CDKL3: variants seen among roughly 807,000 people sequenced by gnomAD.
CDKL3 encodes cyclin-dependent kinase-like 3.
Under a neutral mutation model 69.3 loss-of-function variants are expected in CDKL3, and 65 were observed. The ratio of observed to expected loss-of-function variants is 0.94; its 90% CI spans 0.77 to 1.15. CDKL3 has a LOEUF of 1.15. Ranked by LOEUF, CDKL3 falls within the 50% of genes most tolerant of loss-of-function variation. CDKL3 has a pLI of 0.00. For synonymous variants in CDKL3, 202 were observed against 221.6 expected (o/e 0.91, Z 0.79); for missense variants, 652 against 689.2 (o/e 0.95, Z 0.61).
intron 2 of CDKL3, among the ~76,000 whole-genome samples, chr5:134,365,813 CTCTTT>C (rs937943505): frequency 9.9e-5 from 15 of 152,134 alleles, no homozygotes; most frequent in African/African-American, 3.6e-4. Flanking sequence ...CTTCTTTAGT[CTCTTT>C]TGAGTTTATG....
intron 10 of CDKL3, 103 bp from the exon 11 acceptor site, chr5:134,304,670 C>A (rs1561505797): frequency 1.0e-5 from 8 of 779,484 alleles, no homozygotes; most frequent in African/African-American, 3.5e-5. Flanking sequence ...ATAGACATAA[C>A]AATTAATTTA....
chr5:134,315,207 AGTT>A (rs1447713245), intron 6 of CDKL3, among the ~76,000 whole-genome samples: 1 of 152,166 alleles, frequency 6.6e-6, no homozygotes, highest in Non-Finnish European at 1.5e-5. Flanking sequence ...GGATGATACT[AGTT>A]GTTAAAAAAA....
chr5:134,371,297 T>G, upstream of CDKL3: 4 of 514,146 alleles, frequency 7.8e-6, no homozygotes, highest in African/African-American at 2.0e-5. Context: ...AGAACACAAA[T>G]TTGTCTATTA....
At chr5:134,285,290 C>T (rs188777582), downstream of CDKL3, among the ~76,000 whole-genome samples, 4 of 152,320 alleles carry the variant, frequency 2.6e-5, no homozygotes, top group Admixed American at 1.3e-4. Flanking sequence ...AGGGCCCCAC[C>T]CCTGCAGCAA....
intron 3 of CDKL3, among the ~76,000 whole-genome samples, chr5:134,354,414 T>C (rs1177375120): frequency 3.3e-5 from 5 of 152,222 alleles, no homozygotes. Context: ...TTATACAACT[T>C]ACTACCATAA....
chr5:134,370,888 T>C (rs1385765751), upstream of CDKL3: 1 of 152,614 alleles, frequency 6.6e-6, no homozygotes, highest in African/African-American at 2.4e-5. Flanking sequence ...AAACAAGCTG[T>C]TGATTCTGCC....
At chr5:134,350,845 GA>G (rs1561624042) in intron 3 of CDKL3, among the ~76,000 whole-genome samples, 3 of 143,862 alleles carry the variant, frequency 2.1e-5, no homozygotes, top group East Asian at 2.0e-4. Context: ...AAAAAAAAAA[GA>G]AAAAAAGAAA....
At chr5:134,308,551 G>A (rs1768527537) in intron 8 of CDKL3, 23 bp downstream of exon 8, 2 of 1,563,400 alleles carry the variant, frequency 1.3e-6, no homozygotes, top group Non-Finnish European at 1.7e-6. Flanking sequence ...TATACTGGCT[G>A]AAACAAAAAC....
intron 6 of CDKL3, among the ~76,000 whole-genome samples, chr5:134,313,746 GT>G (rs113107142): frequency 0.23 from 34,796 of 148,998 alleles, 6,926 homozygotes; most frequent in African/African-American, 0.54. Context: ...GTTATGTGGG[GT>G]TTTTTTTTTA....
chr5:134,307,986 G>A lies in CDKL3; in HGVS notation c.1364+152C>T, dbSNP rs889375993. ...TTAATTTCTTCTACAGCATCCATAA[G>A]AAACACTCAGTAAATGGCCCATTAT... On this transcript the variant is annotated intron_variant, in intron 9 of 12. Transcript: ENST00000265334. 2.8e-5 allele frequency: 34 copies of A among 1,221,936 alleles called. 1 individual carries two copies. Among genetic ancestry groups the A allele is most frequent in the East Asian group, 1.6e-4 (6 of 36,950 alleles). The allele number at this position is 1,221,936 out of a possible 1,614,324, so 75.7% of individuals were successfully genotyped here.
rs561526853 is a variant in CDKL3 at position 134,329,556 on chromosome 5, G to A, written c.540-7653C>T. ...TGGAGTGCAGCTCACTGCAAGCTCC[G>A]CTTCCTGGGTTGACGCCATTCTCCT... On this transcript the variant is annotated intron_variant, in intron 4 of 12. Coordinates refer to ENST00000265334, the MANE Select transcript of CDKL3 (RefSeq NM_001113575.2). 7.6e-4 allele frequency among the ~76,000 whole-genome samples: 115 copies of A among 151,398 alleles called. 3 individuals are homozygous for A. The highest frequency in any genetic ancestry group is 2.5e-3 in the African/African-American group (103 of 41,324).
At chr5:134,355,926 C>G (rs998195627) in intron 3 of CDKL3, among the ~76,000 whole-genome samples, 3 of 152,176 alleles carry the variant, frequency 2.0e-5, no homozygotes, top group Non-Finnish European at 4.4e-5. Flanking sequence ...AGTCTCCAAC[C>G]TTTTTGGCAC....
intron 7 of CDKL3, among the ~76,000 whole-genome samples, chr5:134,309,762 T>C (rs186637292): frequency 9.2e-5 from 14 of 152,298 alleles, no homozygotes; most frequent in Admixed American, 8.5e-4. Flanking sequence ...AGAAGCCTAA[T>C]ATCTAAATGT....
At chr5:134,359,211 T>C (rs1335530629) in intron 3 of CDKL3, among the ~76,000 whole-genome samples, 1 of 151,506 alleles carries the variant, frequency 6.6e-6, no homozygotes, top group Non-Finnish European at 1.5e-5. Context: ...GGCAGGAGAA[T>C]TGCTTGAACC....
chr5:134,368,131 A>AGAGCTTTTAGG (rs1757872493), upstream of CDKL3, among the ~76,000 whole-genome samples: 1 of 152,218 alleles, frequency 6.6e-6, no homozygotes. Flanking sequence ...GAGCTTTTAG[A>AGAGCTTTTAGG]AAGCATCCCA....
chr5:134,318,344 G>T (rs1771746581), intron 6 of CDKL3, among the ~76,000 whole-genome samples: 1 of 152,032 alleles, frequency 6.6e-6, no homozygotes, highest in African/African-American at 2.4e-5. Flanking sequence ...TTTGGCCTTG[G>T]TGTATCTTCA....
Position 134,299,674 on chromosome 5 carries a change from T to C in CDKL3, c.1720-964A>G, listed in dbSNP as rs201598823. ...ACCATACAGTGATTCTGGGATTCCC[T>C]GAATTTTCAGCTGCTGCATTTTCTA... On this transcript the variant is annotated intron_variant, in intron 12 of 12. Coordinates refer to ENST00000265334, the MANE Select transcript of CDKL3 (RefSeq NM_001113575.2). 240 of 1,529,736 alleles carry C rather than the reference T, an allele frequency of 1.6e-4. 1 individual carries two copies. The East Asian group carries it at 5.8e-3, about 37-fold the overall frequency. The allele number at this position is 1,529,736 out of a possible 1,614,324, so 94.8% of individuals were successfully genotyped here.
intron 4 of CDKL3, among the ~76,000 whole-genome samples, chr5:134,343,135 G>A (rs1297365134): frequency 6.6e-6 from 1 of 151,880 alleles, no homozygotes; most frequent in Non-Finnish European, 1.5e-5. Flanking sequence ...AGCCTGGAAG[G>A]TGGAGGTTGC....
chr5:134,288,811 G>A lies in CDKL3; in HGVS notation c.*678-2252C>T, dbSNP rs138714382. 1.6e-3 allele frequency among the ~76,000 whole-genome samples: 241 copies of A among 152,196 alleles called. No homozygotes were observed. The East Asian group carries it at 0.017, about 11-fold the overall frequency. On this transcript the variant is annotated intron_variant and NMD_transcript_variant, in intron 8 of 8. Coordinates refer to the CDKL3 transcript ENST00000519312. Reference sequence around the variant, plus strand: ...CCATTATCCAGCTGGGAAAACTGAGGCAGCAAAGCACCAAACAGGTTTCCA... The same window carrying A: ...CCATTATCCAGCTGGGAAAACTGAGACAGCAAAGCACCAAACAGGTTTCCA...
Sources: gnomAD v4.1 joint callset for allele counts (sites outside exome capture counted in the v4.1 genomes callset) on GRCh38, gnomAD v4.1.1 for gene constraint, MANE v1.5 for transcripts, NCBI Gene and HGNC (gene_info 2026-07-23, HGNC 2026-07-21) for gene names.